ADGRL1: variants seen among roughly 807,000 people sequenced by gnomAD.
The protein encoded by ADGRL1 is CIRL-1.
A neutral mutation model predicts 148.9 loss-of-function variants in ADGRL1; 31 were observed. That is an observed-to-expected ratio of 0.21 (90% CI 0.16 to 0.28). ADGRL1 has a LOEUF of 0.28. Ranked by LOEUF, ADGRL1 falls within the 10% of genes least tolerant of loss-of-function variation. The pLI, the probability that ADGRL1 is intolerant of heterozygous loss-of-function variation, is 1.00. For missense variants in ADGRL1, 1,521 were observed against 2,058.8 expected (o/e 0.74, Z 5.05); for synonymous variants, 937 against 900.3 (o/e 1.04, Z -0.73).
chr19:14,190,023 G>A (rs1971830766), intron 1 of ADGRL1, among the ~76,000 whole-genome samples: 1 of 152,188 alleles, frequency 6.6e-6, no homozygotes, highest in African/African-American at 2.4e-5. Flanking sequence ...CTCCCTCCCA[G>A]TTCAAGCAAT....
At chr19:14,205,198 A>T (rs1972905718) in intron 1 of ADGRL1, among the ~76,000 whole-genome samples, 1 of 152,066 alleles carries the variant, frequency 6.6e-6, no homozygotes, top group Non-Finnish European at 1.5e-5. Context: ...CAGGACCGTC[A>T]GATGGGAGGA....
chr19:14,167,650 C>G (rs1359447889), intron 4 of ADGRL1, among the ~76,000 whole-genome samples: 2 of 152,094 alleles, frequency 1.3e-5, no homozygotes, highest in Non-Finnish European at 2.9e-5. Flanking sequence ...CCTCACAACC[C>G]AGAAGAAGCA....
At chr19:14,163,889 A>T (rs1201733823) in intron 4 of ADGRL1, among the ~76,000 whole-genome samples, 1 of 151,422 alleles carries the variant, frequency 6.6e-6, no homozygotes, top group East Asian at 1.9e-4. Flanking sequence ...CTTCTCTGCC[A>T]CTTAGGGAAG....
At chr19:14,178,908 GC>G (rs1280867244) in intron 2 of ADGRL1, among the ~76,000 whole-genome samples, 1 of 152,148 alleles carries the variant, frequency 6.6e-6, no homozygotes, top group African/African-American at 2.4e-5. Context: ...GAGAGGCCAG[GC>G]GCGGTGGCTC....
chr19:14,194,301 T>C (rs1433391963), intron 1 of ADGRL1, among the ~76,000 whole-genome samples: 1 of 152,118 alleles, frequency 6.6e-6, no homozygotes, highest in Non-Finnish European at 1.5e-5. Flanking sequence ...GAAATTCATA[T>C]AGGGAGTCAG....
intron 16 of ADGRL1, among the ~76,000 whole-genome samples, 178 bp from the exon 17 acceptor site, chr19:14,156,379 C>T (rs1424164462): frequency 1.3e-5 from 2 of 152,154 alleles, no homozygotes; most frequent in Non-Finnish European, 2.9e-5. Context: ...GCATGACCGG[C>T]AATTTAATGC....
intron 1 of ADGRL1, among the ~76,000 whole-genome samples, chr19:14,200,000 C>T (rs1972495827): frequency 6.6e-6 from 1 of 152,132 alleles, no homozygotes; most frequent in Non-Finnish European, 1.5e-5. Flanking sequence ...TTCCAAAGTG[C>T]TGGGATTACA....
intron 3 of ADGRL1, among the ~76,000 whole-genome samples, chr19:14,173,586 C>T (rs202108495): frequency 2.0e-5 from 3 of 152,068 alleles, no homozygotes; most frequent in South Asian, 4.1e-4. Context: ...TCGTTGTACA[C>T]GCACGTTCAC....
intron 1 of ADGRL1, among the ~76,000 whole-genome samples, chr19:14,195,800 A>G (rs1972220921): frequency 6.6e-6 from 1 of 152,064 alleles, no homozygotes; most frequent in South Asian, 2.1e-4. Flanking sequence ...GGACTAACAG[A>G]CCTACCTCGC....
chr19:14,196,724 GCTC>G lies in ADGRL1; in HGVS notation c.-96+9258_-96+9260del, dbSNP rs1972287642. Among the ~76,000 whole-genome samples the G allele has an allele frequency of 2.6e-5, 4 of 152,132 alleles. No individual in the cohort carries two copies. In the South Asian group the frequency reaches 8.3e-4, roughly 32 times the overall value. ...TCTCTCTTCCCCAGATCCCCTCACA[GCTC>G]CTCCTGCATCTTCCTTTTGGTCTTT... On this transcript the variant is annotated intron_variant, in intron 1 of 22. Transcript: ENST00000361434.
intron 4 of ADGRL1, among the ~76,000 whole-genome samples, chr19:14,164,373 CT>C (rs1355673477): frequency 1.3e-5 from 2 of 152,060 alleles, no homozygotes; most frequent in Non-Finnish European, 2.9e-5. Context: ...GCGTATGGGG[CT>C]TGGCGAGGTC....
rs914945710 is a variant in ADGRL1 at position 14,158,706 on chromosome 19, G to A, written c.2150-154C>T. ...CAGTCCATAGCCCAGGCAGGTGGGGGTCAGGGAGCCCTGTCCACAAGACCA... is the reference window on the plus strand; with the variant it reads ...CAGTCCATAGCCCAGGCAGGTGGGGATCAGGGAGCCCTGTCCACAAGACCA... On this transcript the variant is annotated intron_variant, in intron 11 of 22. Transcript: ENST00000361434. 1.1e-3 allele frequency among the ~76,000 whole-genome samples: 163 copies of A among 152,218 alleles called. 1 individual carries two copies. The highest frequency in any genetic ancestry group is 2.9e-4 in the Non-Finnish European group (20 of 68,038).
At chr19:14,172,969 TTA>T (rs1426520685) in intron 3 of ADGRL1, among the ~76,000 whole-genome samples, 1 of 152,110 alleles carries the variant, frequency 6.6e-6, no homozygotes, top group Non-Finnish European at 1.5e-5. Flanking sequence ...TTTATTATTA[TTA>T]TGTTTTGAGA....
Position 14,162,733 on chromosome 19 carries a change from G to T in ADGRL1, c.1068C>A (p.Thr356=). The change falls in exon 5 of 23, where the codon ACC becomes ACA. Residue 356 remains threonine, a synonymous_variant. Coordinates refer to ENST00000361434, the MANE Select transcript of ADGRL1 (RefSeq NM_014921.5). This position sits in a 1 kb window ranked among gnomAD's most constrained non-coding sequence, Gnocchi z 5.4. The stretch of plus-strand genomic sequence containing the variant: ...AGATGAACTGGTAGGGGTTGGGGAA[G>T]GTGAGGCTGACAGGCTCCTCGCGGT... The part of the protein sequence containing the change: ...NANREEPVSL[T]FPNPYQFISS... 6.2e-7 allele frequency: 1 copy of T among 1,614,236 alleles called. No homozygotes were observed. The highest frequency in any genetic ancestry group is 8.5e-7 in the Non-Finnish European group (1 of 1,180,036).
rs942276115 is a variant in ADGRL1 at position 14,161,189 on chromosome 19, G to A, written c.1510+123C>T. 50 of 986,366 alleles carry A rather than the reference G, an allele frequency of 5.1e-5. No homozygotes were observed. Among genetic ancestry groups the A allele is most frequent in the Non-Finnish European group, 6.7e-5 (47 of 705,098 alleles). 61.1% of individuals were successfully genotyped at this position (986,366 alleles called of 1,614,324 possible). A position where few individuals can be genotyped will look rare whatever the true frequency, so the allele number is the denominator to read the frequency against. On this transcript the variant is annotated intron_variant, in intron 6 of 22. Transcript: ENST00000361434. This position sits in a 1 kb window ranked among gnomAD's most constrained non-coding sequence, Gnocchi z 4.4. ...CCTGAGAGCTCTGCTGGTCACTGGG[G>A]ATGACCCCTGCCCTCAGAAAACCTC...
At chr19:14,163,446 G>A in intron 4 of ADGRL1, 40 bp from the exon 5 acceptor site, 3 of 1,376,460 alleles carry the variant, frequency 2.2e-6, no homozygotes, top group Non-Finnish European at 2.0e-6. Context: ...TAGGAGAGAA[G>A]GGGCAGAGGC....
At chr19:14,191,976 G>A (rs1196558519) in intron 1 of ADGRL1, among the ~76,000 whole-genome samples, 7 of 152,106 alleles carry the variant, frequency 4.6e-5, no homozygotes, top group Admixed American at 4.6e-4. Flanking sequence ...GGGATTACAG[G>A]CATGAGCCAC....
At chr19:14,203,897 G>A (rs1368469549) in intron 1 of ADGRL1, among the ~76,000 whole-genome samples, 1 of 152,192 alleles carries the variant, frequency 6.6e-6, no homozygotes, top group Non-Finnish European at 1.5e-5. Flanking sequence ...TCCCAGAGCA[G>A]ATGCCACACA....
chr19:14,185,494 A>G (rs1971525856), intron 1 of ADGRL1, among the ~76,000 whole-genome samples: 1 of 152,014 alleles, frequency 6.6e-6, no homozygotes, highest in African/African-American at 2.4e-5. Flanking sequence ...GGATCTTGCT[A>G]TGTTGCCCAA....
Sources: gnomAD v4.1 joint callset for allele counts (sites outside exome capture counted in the v4.1 genomes callset) on GRCh38, gnomAD v4.1.1 for gene constraint, Gnocchi (gnomAD v3.1) non-coding constraint, MANE v1.5 for transcripts, NCBI Gene and HGNC (gene_info 2026-07-23, HGNC 2026-07-21) for gene names.